Variants in MYO3A observed in about 807,000 individuals in gnomAD.
The protein encoded by MYO3A is myosin IIIA.
Under a neutral mutation model 192.7 loss-of-function variants are expected in MYO3A, and 180 were observed. The observed-to-expected ratio is 0.93, with a 90% confidence interval of 0.83 to 1.06. MYO3A has a LOEUF of 1.06. Ranked by LOEUF, MYO3A falls within the 50% of genes least tolerant of loss-of-function variation. MYO3A has a pLI of 0.00. For synonymous variants in MYO3A, 628 were observed against 645.3 expected, an observed-to-expected ratio of 0.97 and a Z score of 0.41; for missense variants, 1,896 against 1,905.0, an observed-to-expected ratio of 1.00 and a Z score of 0.09.
chr10:26,145,411 C>T (rs1339692565), intron 21 of MYO3A, 35 bp from the exon 22 acceptor site: 2 of 1,387,976 alleles, frequency 1.4e-6, no homozygotes, highest in Admixed American at 1.7e-5. Context: ...GGATCTCATA[C>T]ATGCTTGATA....
intron 14 of MYO3A, among the ~76,000 whole-genome samples, chr10:26,087,797 C>G (rs1836429563): frequency 6.6e-6 from 1 of 152,186 alleles, no homozygotes; most frequent in Non-Finnish European, 1.5e-5. Context: ...TCTTTCCTCT[C>G]TTAGTTTCAG....
intron 10 of MYO3A, among the ~76,000 whole-genome samples, chr10:26,066,428 G>A (rs1171781288): frequency 6.6e-6 from 1 of 152,134 alleles, no homozygotes; most frequent in Non-Finnish European, 1.5e-5. Context: ...GTTAAATCAA[G>A]ATCTTTATGC....
intron 33 of MYO3A, among the ~76,000 whole-genome samples, chr10:26,201,689 CAAA>C (rs34428324): frequency 2.4e-5 from 2 of 81,684 alleles, no homozygotes; most frequent in Non-Finnish European, 2.5e-5. Context: ...GACTCCGTCT[CAAA>C]AAAAAAAAAA....
chr10:26,129,471 A>G (rs940854123), intron 20 of MYO3A, among the ~76,000 whole-genome samples: 3 of 152,130 alleles, frequency 2.0e-5, no homozygotes, highest in African/African-American at 7.2e-5. Flanking sequence ...TAGCCTAGAT[A>G]TGCGAAGAAA....
chr10:26,027,084 A>G (rs987583776), intron 10 of MYO3A, among the ~76,000 whole-genome samples: 8 of 152,154 alleles, frequency 5.3e-5, no homozygotes, highest in Non-Finnish European at 8.8e-5. Context: ...CTGCTTTTCT[A>G]TAAAGTAAGA....
intron 31 of MYO3A, among the ~76,000 whole-genome samples, chr10:26,188,392 G>C (rs1250947396): frequency 6.6e-6 from 1 of 151,848 alleles, no homozygotes; most frequent in Non-Finnish European, 1.5e-5. Context: ...CTAGATATTA[G>C]CCCTTTGTCA....
chr10:26,041,725 C>T (rs145030264), intron 10 of MYO3A, among the ~76,000 whole-genome samples: 7 of 152,072 alleles, frequency 4.6e-5, no homozygotes, highest in African/African-American at 1.7e-4. Flanking sequence ...TAAACTCTAC[C>T]GCTTTGCTTC....
chr10:26,178,205 A>C (rs1201296864), intron 31 of MYO3A, among the ~76,000 whole-genome samples: 1 of 152,216 alleles, frequency 6.6e-6, no homozygotes, highest in African/African-American at 2.4e-5. Context: ...AGAGAGGAGC[A>C]GGTGGTGTGG....
chr10:26,017,151 TG>T (rs2131049050), intron 7 of MYO3A, among the ~76,000 whole-genome samples: 1 of 152,346 alleles, frequency 6.6e-6, no homozygotes, highest in South Asian at 2.1e-4. Context: ...CTTCCAGGTT[TG>T]ATTTTTCATT....
At chr10:26,191,969 G>A (rs1843154528) in intron 31 of MYO3A, among the ~76,000 whole-genome samples, 1 of 152,140 alleles carries the variant, frequency 6.6e-6, no homozygotes, top group Non-Finnish European at 1.5e-5. Flanking sequence ...ATGTGCTCAG[G>A]TGTATTGAAT....
intron 2 of MYO3A, among the ~76,000 whole-genome samples, 155 bp downstream of exon 2, chr10:25,935,985 G>T (rs976566542): frequency 3.3e-5 from 5 of 152,056 alleles, no homozygotes; most frequent in African/African-American, 1.2e-4. Flanking sequence ...AGATGCATAA[G>T]CTTTCAAAGA....
chr10:26,079,865 G>A (rs1023408264), intron 14 of MYO3A, among the ~76,000 whole-genome samples: 1 of 152,208 alleles, frequency 6.6e-6, no homozygotes, highest in Admixed American at 6.5e-5. Context: ...CTTCTAGCTT[G>A]TAAGGTTTCT....
chr10:25,997,962 G>A (rs777133452), intron 6 of MYO3A, among the ~76,000 whole-genome samples: 38 of 152,310 alleles, frequency 2.5e-4, no homozygotes, highest in Non-Finnish European at 4.3e-4. Flanking sequence ...TAATCCTGAA[G>A]ATGTCTCAGT....
chr10:26,155,190 G>A (rs1841040971), intron 25 of MYO3A, among the ~76,000 whole-genome samples: 1 of 152,184 alleles, frequency 6.6e-6, no homozygotes, highest in Non-Finnish European at 1.5e-5. Context: ...GATAGGGCAA[G>A]GCTGAGCATC....
Position 26,176,707 on chromosome 10 carries a change from A to G in MYO3A, c.4300A>G (p.Lys1434Glu). The G allele has an allele frequency of 6.2e-7, 1 of 1,608,198 alleles. No homozygotes were observed. Among genetic ancestry groups the G allele is most frequent in the Non-Finnish European group, 8.5e-7 (1 of 1,174,756 alleles). ...CACATGACCTTCTTTTTAGATATCAAAGTTATCTGAAGAATATTTCATTCT... is the reference window on the plus strand; with the variant it reads ...CACATGACCTTCTTTTTAGATATCAGAGTTATCTGAAGAATATTTCATTCT... Reference protein sequence around the residue: ...GLAIFSKQISKLSEEYFILQK... With the variant: ...GLAIFSKQISELSEEYFILQK... Residue 1434 changes from lysine (K) to glutamate (E), a missense_variant, in exon 31 of 35, where the codon AAG (lysine) becomes GAG (glutamate). Lys to Glu is a moderately conservative substitution (Grantham distance 56). Transcript: ENST00000642920.
At chr10:26,061,130 C>T (rs978843469) in intron 10 of MYO3A, among the ~76,000 whole-genome samples, 31 of 151,968 alleles carry the variant, frequency 2.0e-4, no homozygotes, top group East Asian at 1.9e-4. Context: ...GGGGTTTCAC[C>T]GTGTTAGCCA....
intron 4 of MYO3A, among the ~76,000 whole-genome samples, chr10:25,976,991 C>T (rs951909365): frequency 5.9e-5 from 9 of 152,080 alleles, no homozygotes; most frequent in African/African-American, 9.7e-5. Flanking sequence ...TTTAAAAACT[C>T]ATATTTCAGT....
chr10:26,043,049 T>G (rs1403362831), intron 10 of MYO3A, among the ~76,000 whole-genome samples: 2 of 152,196 alleles, frequency 1.3e-5, no homozygotes. Flanking sequence ...ATTCTGTGCT[T>G]CTTGCAGACT....
At chr10:26,117,359 G>C (rs1838574438) in intron 17 of MYO3A, among the ~76,000 whole-genome samples, 1 of 152,094 alleles carries the variant, frequency 6.6e-6, no homozygotes, top group Admixed American at 6.5e-5. Context: ...TACATGTGCA[G>C]GTTTATTAAT....
Sources: gnomAD v4.1 joint callset for allele counts (sites outside exome capture counted in the v4.1 genomes callset) on GRCh38, gnomAD v4.1.1 for gene constraint, MANE v1.5 for transcripts, NCBI Gene and HGNC (gene_info 2026-07-23, HGNC 2026-07-21) for gene names.